Variants in TCERG1L observed in about 807,000 individuals in gnomAD.
The protein encoded by TCERG1L is transcription elongation regulator 1-like protein.
TCERG1L carries 37 observed loss-of-function variants against 56.3 expected under a neutral mutation model. The observed-to-expected ratio is 0.66, with a 90% CI of 0.51 to 0.87. TCERG1L has a LOEUF of 0.87. Among genes scored for constraint, TCERG1L ranks in the 40% least tolerant of loss-of-function variants. TCERG1L has a pLI of 0.00. For missense variants in TCERG1L, 799 were observed against 774.2 expected, an observed-to-expected ratio of 1.03 and a Z score of -0.38; for synonymous variants, 324 against 326.3, an observed-to-expected ratio of 0.99 and a Z score of 0.08.
chr10:131,140,227 G>C (rs1421895951), intron 7 of TCERG1L, among the ~76,000 whole-genome samples: 1 of 152,140 alleles, frequency 6.6e-6, no homozygotes, highest in Admixed American at 6.5e-5. Flanking sequence ...TGGACCTGCT[G>C]GTGGACCCAG....
chr10:131,236,719 T>C (rs1052735419), intron 4 of TCERG1L, among the ~76,000 whole-genome samples: 4 of 152,116 alleles, frequency 2.6e-5, no homozygotes, highest in Admixed American at 6.6e-5. Flanking sequence ...AGAGAGGTAA[T>C]TGTCTTTGTA....
chr10:131,170,569 A>G (rs555611246), intron 4 of TCERG1L, among the ~76,000 whole-genome samples: 2 of 152,204 alleles, frequency 1.3e-5, no homozygotes, highest in African/African-American at 4.8e-5. Context: ...CAGTGATGAG[A>G]GACAAAGAGA....
Position 131,093,126 on chromosome 10 carries a change from G to C in TCERG1L, c.*36C>G, listed in dbSNP as rs755275419. The C allele has an allele frequency of 1.6e-5, 26 of 1,601,928 alleles. No homozygotes were observed. Among genetic ancestry groups the C allele is most frequent in the Non-Finnish European group, 2.1e-5 (25 of 1,173,778 alleles). On this transcript the variant is annotated 3_prime_UTR_variant, in exon 12 of 12. Coordinates refer to ENST00000368642, the MANE Select transcript of TCERG1L (RefSeq NM_174937.4). ...ACCCCCTCGCCCCCGGCACGCCCAGGGTCAACCCCCGGGCTTATTGCATTT... is the reference window on the plus strand; with the variant it reads ...ACCCCCTCGCCCCCGGCACGCCCAGCGTCAACCCCCGGGCTTATTGCATTT...
intron 9 of TCERG1L, among the ~76,000 whole-genome samples, chr10:131,109,243 G>T (rs1845385681): frequency 6.6e-6 from 1 of 152,176 alleles, no homozygotes; most frequent in Admixed American, 6.5e-5. Context: ...GAATTCTTCT[G>T]TAAACTTCAG....
At chr10:131,107,534 G>A (rs895105654) in intron 9 of TCERG1L, among the ~76,000 whole-genome samples, 8 of 152,098 alleles carry the variant, frequency 5.3e-5, no homozygotes, top group Admixed American at 2.0e-4. Context: ...AGTGAAGGCC[G>A]CACAGCCATG....
At chr10:131,146,469 C>A (rs1330545270) in intron 7 of TCERG1L, 37 bp downstream of exon 7, 1 of 1,568,256 alleles carries the variant, frequency 6.4e-7, no homozygotes, top group Non-Finnish European at 8.7e-7. Context: ...AGCTTAAACA[C>A]TTCAAAGGAG....
At chr10:131,264,376 G>A (rs1044090720) in intron 3 of TCERG1L, among the ~76,000 whole-genome samples, 3 of 152,228 alleles carry the variant, frequency 2.0e-5, no homozygotes, top group Admixed American at 6.5e-5. Context: ...CCCACAGGAA[G>A]GAAAGGTTGG....
rs749300333 is a variant in TCERG1L, at chr10:131,308,356, C to T, written c.525G>A (p.Thr175=). 1.1e-5 allele frequency: 17 copies of T among 1,613,708 alleles called. No individual in the cohort carries two copies. The highest frequency in any genetic ancestry group is 5.5e-5 in the South Asian group (5 of 91,060). Residue 175 remains threonine, a synonymous_variant, in exon 3 of 12, where the codon ACG becomes ACA. Transcript: ENST00000368642. ...FFNNSFALDS[T]WIHPEESRFF... is the part of the protein sequence containing the mutation. Reference sequence around the variant, plus strand: ...ACCTTGACTCCTCAGGATGTATCCACGTTGAGTCCAGAGCAAAGGAATTAT... The same window carrying T: ...ACCTTGACTCCTCAGGATGTATCCATGTTGAGTCCAGAGCAAAGGAATTAT...
At chr10:131,295,315 A>C (rs987575439) in intron 3 of TCERG1L, among the ~76,000 whole-genome samples, 1 of 152,236 alleles carries the variant, frequency 6.6e-6, no homozygotes, top group Non-Finnish European at 1.5e-5. Context: ...AAAATACGTA[A>C]GAGTGAGATT....
At chr10:131,172,207 T>A (rs539366903) in intron 4 of TCERG1L, among the ~76,000 whole-genome samples, 1 of 152,016 alleles carries the variant, frequency 6.6e-6, no homozygotes, top group South Asian at 2.1e-4. Context: ...AGAACATGCG[T>A]CTTCTGGTTT....
chr10:131,251,580 T>C (rs940350273), intron 4 of TCERG1L, among the ~76,000 whole-genome samples: 1 of 152,060 alleles, frequency 6.6e-6, no homozygotes, highest in Non-Finnish European at 1.5e-5. Flanking sequence ...ATCCGGTCGC[T>C]GGAAAGGCCA....
intron 4 of TCERG1L, among the ~76,000 whole-genome samples, chr10:131,241,542 G>T (rs1035441743): frequency 1.3e-5 from 2 of 151,882 alleles, no homozygotes; most frequent in Non-Finnish European, 2.9e-5. Flanking sequence ...AGTGGATAGC[G>T]CAATATAAAA....
intron 4 of TCERG1L, among the ~76,000 whole-genome samples, chr10:131,178,936 T>C (rs912273186): frequency 6.6e-6 from 1 of 152,250 alleles, no homozygotes; most frequent in African/African-American, 2.4e-5. Flanking sequence ...TCACTACTCA[T>C]GTATGCTCAT....
intron 3 of TCERG1L, among the ~76,000 whole-genome samples, chr10:131,270,799 G>A (rs556656211): frequency 1.7e-4 from 26 of 152,284 alleles, no homozygotes; most frequent in South Asian, 1.2e-3. Context: ...CAGGCTTGGC[G>A]AGGTTTGTCG....
intron 3 of TCERG1L, among the ~76,000 whole-genome samples, chr10:131,279,479 G>A (rs187016027): frequency 1.4e-3 from 210 of 152,288 alleles, no homozygotes; most frequent in African/African-American, 4.8e-3. Context: ...AGGACTTAAA[G>A]CCCCAGCAGG....
intron 6 of TCERG1L, chr10:131,161,711 G>A (rs1241334224): frequency 6.6e-6 from 1 of 152,238 alleles, no homozygotes; most frequent in Non-Finnish European, 1.5e-5. Context: ...GTCACTTTCA[G>A]CGCTGCCCAA....
At chr10:131,201,609 A>G (rs554793986) in intron 4 of TCERG1L, among the ~76,000 whole-genome samples, 7 of 152,248 alleles carry the variant, frequency 4.6e-5, no homozygotes, top group Non-Finnish European at 8.8e-5. Flanking sequence ...AAAAAAATAT[A>G]TAAAAATAAA....
At chr10:131,285,252 C>T (rs996158942) in intron 3 of TCERG1L, among the ~76,000 whole-genome samples, 2 of 151,794 alleles carry the variant, frequency 1.3e-5, no homozygotes, top group Admixed American at 1.3e-4. Context: ...GTGGCTCATG[C>T]CTGTAATCTC....
chr10:131,100,200 C>A (rs1188321951), intron 10 of TCERG1L, among the ~76,000 whole-genome samples: 1 of 152,114 alleles, frequency 6.6e-6, no homozygotes, highest in Non-Finnish European at 1.5e-5. Flanking sequence ...AGGCAAATAG[C>A]AATGTAAGTT....
Sources: gnomAD v4.1 joint callset for allele counts (sites outside exome capture counted in the v4.1 genomes callset) on GRCh38, gnomAD v4.1.1 for gene constraint, MANE v1.5 for transcripts, NCBI Gene and HGNC (gene_info 2026-07-23, HGNC 2026-07-21) for gene names.